Variants in FANCA observed in about 807,000 individuals in gnomAD.
The protein encoded by FANCA is Fanconi anemia group A protein.
In FANCA, 236 loss-of-function variants were observed where a neutral mutation model predicts 194.3. That is an observed-to-expected ratio of 1.21 (90% CI 1.09 to 1.35). FANCA has a LOEUF of 1.35. Among genes scored for constraint, FANCA ranks in the 40% most tolerant of loss-of-function variants. The pLI is 0.00. For synonymous variants in FANCA, 1,014 were observed against 715.8 expected (o/e 1.42, Z -6.65); for missense variants, 2,628 against 1,813.9 (o/e 1.45, Z -8.15).
At chr16:89,759,957 G>A in intron 29 of FANCA, among the ~76,000 whole-genome samples, 1 of 150,102 alleles carries the variant, frequency 6.7e-6, no homozygotes, top group Admixed American at 6.6e-5. Flanking sequence ...CCCACGCTGT[G>A]CGGGACCGGG....
chr16:89,768,205 G>C (rs1346170932), intron 26 of FANCA, among the ~76,000 whole-genome samples: 3 of 152,076 alleles, frequency 2.0e-5, no homozygotes, highest in Non-Finnish European at 4.4e-5. Flanking sequence ...TTCAGCCTGG[G>C]GGACACAGTG....
At chr16:89,813,956 T>C (rs1223045115) in intron 3 of FANCA, among the ~76,000 whole-genome samples, 1 of 152,194 alleles carries the variant, frequency 6.6e-6, no homozygotes, top group East Asian at 1.9e-4. Context: ...TAATATGCAA[T>C]TTGTGAAATT....
In FANCA at chr16:89,739,478, C is replaced by T. The variant is rs2062067864; in HGVS notation, c.4010G>A (p.Ser1337Asn). Residue 1337 changes from serine to asparagine, a missense_variant and splice_region_variant, in exon 40 of 43, where the codon AGT becomes AAT. Physicochemically the swap from Ser to Asn is conservative, Grantham distance 46. Coordinates refer to ENST00000389301, the MANE Select transcript of FANCA (RefSeq NM_000135.4). Reference protein sequence around the residue: ...HTRLLPFAFYSLLSYFHEDAA... With the variant: ...HTRLLPFAFYNLLSYFHEDAA... The stretch of plus-strand genomic sequence containing the variant: ...TGACCAGCCCTGTGGGTGGAGGTAC[C>T]TGTAAAAAGCGAAAGGCAGCAGCCT... The T allele has an allele frequency of 6.4e-7, 1 of 1,551,346 alleles. No homozygotes were observed. The highest frequency in any genetic ancestry group is 8.7e-7 in the Non-Finnish European group (1 of 1,147,378).
At chr16:89,815,817 G>T in intron 2 of FANCA, 60 bp downstream of exon 2, 1 of 1,285,012 alleles carries the variant, frequency 7.8e-7, no homozygotes, top group Non-Finnish European at 1.1e-6. Flanking sequence ...CTGTGCGGTG[G>T]CTGGACTCAA....
At chr16:89,750,106 T>C (rs2038531925) in intron 31 of FANCA, among the ~76,000 whole-genome samples, 1 of 152,186 alleles carries the variant, frequency 6.6e-6, no homozygotes. Flanking sequence ...CTCACGTCTG[T>C]AATGCCAGCA....
At chr16:89,761,072 G>A (rs1224193328) in intron 29 of FANCA, among the ~76,000 whole-genome samples, 1 of 152,188 alleles carries the variant, frequency 6.6e-6, no homozygotes. Context: ...AGAATTGTCT[G>A]CCACATGGTA....
At chr16:89,813,409 TAA>T (rs34267963) in intron 3 of FANCA, among the ~76,000 whole-genome samples, 18 of 139,550 alleles carry the variant, frequency 1.3e-4, no homozygotes, top group Admixed American at 2.9e-4. Flanking sequence ...CCCTGTCTGT[TAA>T]AAAAAAAAAA....
At chr16:89,811,736 GTTTTA>G (rs1201559573) in intron 3 of FANCA, among the ~76,000 whole-genome samples, 74 of 131,666 alleles carry the variant, frequency 5.6e-4, no homozygotes, top group African/African-American at 2.1e-3. Flanking sequence ...ATTTTTTTTT[GTTTTA>G]TTTTTTTGCA....
chr16:89,747,780 A>G (rs4420527), intron 33 of FANCA, among the ~76,000 whole-genome samples: 83,869 of 152,056 alleles, frequency 0.55, 25,931 homozygotes, highest in East Asian at 0.98. Context: ...CATCTCTCAC[A>G]TTTGTGCATC....
intron 32 of FANCA, among the ~76,000 whole-genome samples, chr16:89,749,129 G>T (rs997841186): frequency 1.3e-5 from 2 of 152,170 alleles, no homozygotes; most frequent in Admixed American, 1.3e-4. Context: ...TCTTATAAAT[G>T]CAGCCGCCGT....
intron 28 of FANCA, among the ~76,000 whole-genome samples, chr16:89,763,721 G>A (rs1053308723): frequency 6.7e-6 from 1 of 150,302 alleles, no homozygotes; most frequent in African/African-American, 2.5e-5. Flanking sequence ...GGCAGATCAC[G>A]AGGTCAGGAG....
At chr16:89,743,657 C>T (rs962975436) in intron 36 of FANCA, among the ~76,000 whole-genome samples, 2 of 152,018 alleles carry the variant, frequency 1.3e-5, no homozygotes, top group African/African-American at 2.4e-5. Flanking sequence ...AACCCTGTCT[C>T]TACTAAAAAT....
At chr16:89,803,126 A>C (rs1598172738) in intron 8 of FANCA, 133 bp downstream of exon 8, 1 of 880,578 alleles carries the variant, frequency 1.1e-6, no homozygotes, top group East Asian at 2.4e-5. Flanking sequence ...TCTATGCACA[A>C]AACAAGTATC....
intron 32 of FANCA, among the ~76,000 whole-genome samples, chr16:89,749,305 C>G (rs2038499687): frequency 6.6e-6 from 1 of 152,160 alleles, no homozygotes; most frequent in African/African-American, 2.4e-5. Context: ...CTCTGCCTCC[C>G]AGGTTCACAC....
In FANCA at chr16:89,773,389, G is replaced by A. The variant is rs1060504375; in HGVS notation, c.1901-5C>T. 6.5e-7 allele frequency: 1 copy of A among 1,545,214 alleles called. No individual in the cohort carries two copies. The highest frequency in any genetic ancestry group is 8.8e-7 in the Non-Finnish European group (1 of 1,141,482). ...CCCTCACTCCCAGGGCTGCATCTGTGAGAAGAAGGAAGAAACCAGATGGAA... is the reference window on the plus strand; with the variant it reads ...CCCTCACTCCCAGGGCTGCATCTGTAAGAAGAAGGAAGAAACCAGATGGAA... On this transcript the variant is annotated splice_polypyrimidine_tract_variant and splice_region_variant and intron_variant, in intron 21 of 42. Coordinates refer to ENST00000389301, the MANE Select transcript of FANCA (RefSeq NM_000135.4).
intron 28 of FANCA, among the ~76,000 whole-genome samples, chr16:89,762,952 A>G (rs984252343): frequency 1.3e-5 from 2 of 151,278 alleles, no homozygotes; most frequent in African/African-American, 4.9e-5. Flanking sequence ...AATACGAAAA[A>G]AAAAAAAAAA....
rs955095374 is a variant in FANCA at position 89,757,450 on chromosome 16, A to T, written c.2981+1127T>A. Reference sequence around the variant, plus strand: ...GCTGATATGTGCTACAACACAGATGAGCCTCAGAAACATTCTGCTCAGCCA... The same window carrying T: ...GCTGATATGTGCTACAACACAGATGTGCCTCAGAAACATTCTGCTCAGCCA... On this transcript the variant is annotated intron_variant, in intron 30 of 42. Coordinates refer to ENST00000389301, the MANE Select transcript of FANCA (RefSeq NM_000135.4). Among the ~76,000 whole-genome samples the T allele has an allele frequency of 2.0e-5, 3 of 152,206 alleles. No homozygotes were observed. In the South Asian group the frequency reaches 6.2e-4, roughly 31 times the overall value.
intron 6 of FANCA, among the ~76,000 whole-genome samples, chr16:89,807,593 T>C (rs4313809): frequency 0.46 from 69,708 of 151,766 alleles, 17,192 homozygotes; most frequent in East Asian, 0.97. Flanking sequence ...CTACTAAAAA[T>C]AACAAAAATT....
At chr16:89,745,449 CCTCTG>C (rs2038352196) in intron 35 of FANCA, among the ~76,000 whole-genome samples, 1 of 135,858 alleles carries the variant, frequency 7.4e-6, no homozygotes, top group African/African-American at 2.7e-5. Flanking sequence ...GGACCACACT[CCTCTG>C]AGCTGGGAAC....
Sources: allele counts gnomAD v4.1 joint callset (sites outside exome capture counted in the v4.1 genomes callset), GRCh38; gene constraint gnomAD v4.1.1; transcripts MANE v1.5; gene names NCBI Gene and HGNC (gene_info 2026-07-23, HGNC 2026-07-21).